DBT: variants seen among roughly 807,000 people sequenced by gnomAD.
DBT encodes lipoamide acyltransferase component of branched-chain alpha-keto acid dehydrogenase complex, mitochondrial.
Under a neutral mutation model 51.3 loss-of-function variants are expected in DBT, and 40 were observed. That is an observed-to-expected ratio of 0.78 (90% CI 0.61 to 1.02). DBT has a LOEUF of 1.02. Ranked by LOEUF, DBT falls within the 50% of genes least tolerant of loss-of-function variation. The pLI, the probability that DBT is intolerant of heterozygous loss-of-function variation, is 0.00. For missense variants in DBT, 510 were observed against 580.2 expected (o/e 0.88, Z 1.24); for synonymous variants, 181 against 190.4 (o/e 0.95, Z 0.41).
At chr1:100,244,969 C>A (rs1006832224) in intron 1 of DBT, among the ~76,000 whole-genome samples, 1 of 151,870 alleles carries the variant, frequency 6.6e-6, no homozygotes, top group Non-Finnish European at 1.5e-5. Context: ...GTACCATAGG[C>A]AGTATATGAT....
At chr1:100,240,145 T>C (rs1664128106) in intron 2 of DBT, among the ~76,000 whole-genome samples, 2 of 152,214 alleles carry the variant, frequency 1.3e-5, no homozygotes, top group African/African-American at 2.4e-5. Flanking sequence ...GTCAGGGAAC[T>C]TTCTATTTAG....
At chr1:100,206,365 A>T in intron 9 of DBT, 64 bp from the exon 10 acceptor site, 1 of 1,566,720 alleles carries the variant, frequency 6.4e-7, no homozygotes, top group Non-Finnish European at 8.8e-7. Context: ...AACAAATGCC[A>T]AGTGACTTTT....
intron 8 of DBT, among the ~76,000 whole-genome samples, chr1:100,208,969 T>C (rs1013765548): frequency 2.0e-5 from 3 of 150,438 alleles, no homozygotes; most frequent in Non-Finnish European, 4.4e-5. Context: ...AATAATTCTA[T>C]ATCTTGTAAA....
intron 2 of DBT, among the ~76,000 whole-genome samples, chr1:100,237,831 T>C (rs1479537336): frequency 2.0e-5 from 3 of 151,902 alleles, no homozygotes; most frequent in East Asian, 3.9e-4. Flanking sequence ...AGAGGTGAGG[T>C]CTCACTTTTC....
rs765082016 is a variant in DBT, at chr1:100,216,011, T to C, written c.744A>G (p.Thr248=). Residue 248 remains threonine, a synonymous_variant, in exon 6 of 11, where the codon ACA becomes ACG. Coordinates refer to ENST00000370132, the MANE Select transcript of DBT (RefSeq NM_001918.5). ...TTATGGGTTCTGTTTTGTCTTTGCC[T>C]GTGAATACCGGAGGTTTTGATACTA... is the stretch of plus-strand genomic sequence containing the variant. The part of the protein sequence containing the change: ...PILVSKPPVF[T]GKDKTEPIKG... 1.2e-6 allele frequency: 2 copies of C among 1,607,922 alleles called. No homozygotes were observed. The highest frequency in any genetic ancestry group is 2.2e-5 in the South Asian group (2 of 90,972).
In DBT at chr1:100,188,467, C is replaced by T. The variant is rs1235721866; in HGVS notation, c.*7788G>A. On this transcript the variant is annotated 3_prime_UTR_variant, in exon 11 of 11. Transcript: ENST00000370132. Reference sequence around the variant, plus strand: ...GAACTATTATGAAGTTTTCTCGCAGCACACTTGAAGTTAAATAGCTTTTTC... The same window carrying T: ...GAACTATTATGAAGTTTTCTCGCAGTACACTTGAAGTTAAATAGCTTTTTC... 6.6e-6 allele frequency: 1 copy of T among 152,134 alleles called. No individual in the cohort carries two copies. The highest frequency in any genetic ancestry group is 2.4e-5 in the African/African-American group (1 of 41,424). The allele number at this position is 152,134 out of a possible 1,614,324, so 9.4% of individuals were successfully genotyped here. A position where few individuals can be genotyped will look rare whatever the true frequency, so the allele number is the denominator to read the frequency against.
chr1:100,249,656 TCCATCACG>T, intron 1 of DBT, 106 bp downstream of exon 1: 2 of 1,006,800 alleles, frequency 2.0e-6, no homozygotes, highest in South Asian at 2.5e-5. Flanking sequence ...CCTTCACCTC[TCCATCACG>T]CGTGCCCTGG....
intron 7 of DBT, among the ~76,000 whole-genome samples, chr1:100,214,576 GAAACC>G (rs1662371765): frequency 6.6e-6 from 1 of 152,120 alleles, no homozygotes; most frequent in Admixed American, 6.6e-5. Context: ...CCAACATGGC[GAAACC>G]ACGTGTCTAC....
rs1317286721 is a variant in DBT, at chr1:100,187,698, G to GT, written c.*8556dup. On this transcript the variant is annotated 3_prime_UTR_variant, in exon 11 of 11. Transcript: ENST00000370132. Reference sequence around the variant, plus strand: ...CACCACCAGGCCTGGCTAACTTTTTGTATTTTTTTTTTTTTTTTTGTAGAG... The same window carrying GT: ...CACCACCAGGCCTGGCTAACTTTTTGTTATTTTTTTTTTTTTTTTTGTAGAG... 2.7e-4 allele frequency: 38 copies of GT among 140,058 alleles called. No individual in the cohort carries two copies. The highest frequency in any genetic ancestry group is 1.0e-3 in the African/African-American group (38 of 37,156). 8.7% of individuals were successfully genotyped at this position (140,058 alleles called of 1,614,324 possible).
chr1:100,222,534 A>G (rs912429639), intron 4 of DBT, among the ~76,000 whole-genome samples: 7 of 152,224 alleles, frequency 4.6e-5, no homozygotes, highest in African/African-American at 1.4e-4. Context: ...TCCACCACTT[A>G]GTAGCTATGT....
rs886044962 is a variant in DBT at position 100,195,620 on chromosome 1, G to A, written c.*635C>T. 6.6e-6 allele frequency: 1 copy of A among 152,392 alleles called. No homozygotes were observed. The highest frequency in any genetic ancestry group is 2.4e-5 in the African/African-American group (1 of 41,386). The allele number at this position is 152,392 out of a possible 1,614,324, so 9.4% of individuals were successfully genotyped here. A position where few individuals can be genotyped will look rare whatever the true frequency, so the allele number is the denominator to read the frequency against. Reference sequence around the variant, plus strand: ...TTAAGAGTCAGTTAAAAAAAATAGGGCATATACTGTCTGTATATGGCTACC... The same window carrying A: ...TTAAGAGTCAGTTAAAAAAAATAGGACATATACTGTCTGTATATGGCTACC... On this transcript the variant is annotated 3_prime_UTR_variant, in exon 11 of 11. Coordinates refer to ENST00000370132, the MANE Select transcript of DBT (RefSeq NM_001918.5).
chr1:100,242,770 T>C (rs1440024940), intron 1 of DBT, among the ~76,000 whole-genome samples: 3 of 152,120 alleles, frequency 2.0e-5, no homozygotes, highest in Non-Finnish European at 4.4e-5. Context: ...TTAGGGACAA[T>C]AAAGGAAAGT....
rs140134165 is a variant in DBT at position 100,204,085 on chromosome 1, T to C, written c.1281+2145A>G. ...CTCTCACCACTCCTATTCAACATAG[T>C]ATTGGAAGTTCTGGCCAGGGCAATC... On this transcript the variant is annotated intron_variant, in intron 10 of 10. Coordinates refer to ENST00000370132, the MANE Select transcript of DBT (RefSeq NM_001918.5). 5.8e-3 allele frequency among the ~76,000 whole-genome samples: 886 copies of C among 152,276 alleles called. 9 individuals carry two copies. Among genetic ancestry groups the C allele is most frequent in the African/African-American group, 0.019 (807 of 41,520 alleles).
chr1:100,237,527 A>G (rs1050280675), intron 2 of DBT, among the ~76,000 whole-genome samples: 2 of 152,128 alleles, frequency 1.3e-5, no homozygotes, highest in Non-Finnish European at 2.9e-5. Flanking sequence ...TTTAGAAAAA[A>G]TTTCTCTGGC....
chr1:100,217,186 T>G (rs1467686157), intron 5 of DBT, among the ~76,000 whole-genome samples: 1 of 152,172 alleles, frequency 6.6e-6, no homozygotes, highest in Non-Finnish European at 1.5e-5. Flanking sequence ...TCTACCCAAG[T>G]ATTCTATACC....
At chr1:100,228,421 T>C (rs1365347164) in intron 4 of DBT, among the ~76,000 whole-genome samples, 1 of 152,136 alleles carries the variant, frequency 6.6e-6, no homozygotes, top group Non-Finnish European at 1.5e-5. Context: ...CAAGGACATT[T>C]TGGGGATAAT....
intron 1 of DBT, 79 bp from the exon 2 acceptor site, chr1:100,240,963 A>G (rs1664178773): frequency 1.5e-6 from 2 of 1,340,438 alleles, no homozygotes; most frequent in South Asian, 1.2e-5. Flanking sequence ...TTGAATTTCA[A>G]TTCCATTCTA....
At chr1:100,219,167 CA>C (rs1419131723) in intron 4 of DBT, among the ~76,000 whole-genome samples, 1 of 152,028 alleles carries the variant, frequency 6.6e-6, no homozygotes, top group Non-Finnish European at 1.5e-5. Context: ...GCTGAGGCAA[CA>C]TAGGGAGACC....
Position 100,225,042 on chromosome 1 carries a change from A to AAATATATGT in DBT, c.433+5690_433+5691insACATATATT, listed in dbSNP as rs59482100. ...CCCCCCAAAAAAAAAAAAAAAAAAA[A>AAATATATGT]ATATATATATACACACACACACACA... On this transcript the variant is annotated intron_variant, in intron 4 of 10. Transcript: ENST00000370132. Among the ~76,000 whole-genome samples the AAATATATGT allele has an allele frequency of 1.3e-3, 59 of 45,648 alleles. 4 individuals carry two copies. Among genetic ancestry groups the AAATATATGT allele is most frequent in the Non-Finnish European group, 2.5e-3 (53 of 21,082 alleles). 29.9% of individuals were successfully genotyped at this position (45,648 alleles called of 152,430 possible). A position where few individuals can be genotyped will look rare whatever the true frequency, so the allele number is the denominator to read the frequency against.
Sources: allele counts gnomAD v4.1 joint callset (sites outside exome capture counted in the v4.1 genomes callset), GRCh38; gene constraint gnomAD v4.1.1; transcripts MANE v1.5; gene names NCBI Gene and HGNC (gene_info 2026-07-23, HGNC 2026-07-21).